KCTD15: variants seen among roughly 807,000 people sequenced by gnomAD.
The protein encoded by KCTD15 is potassium channel tetramerization domain containing 15, also known as BTB/POZ domain-containing protein KCTD15.
KCTD15 carries 11 observed loss-of-function variants against 27.2 expected under a neutral mutation model. The ratio of observed to expected loss-of-function variants is 0.41; its 90% CI spans 0.25 to 0.67. The LOEUF is 0.67. KCTD15 is among the 30% of genes least tolerant of loss of function. KCTD15 has a pLI of 0.35. For synonymous variants in KCTD15, 163 were observed against 176.0 expected, an observed-to-expected ratio of 0.93 and a Z score of 0.58; for missense variants, 350 against 409.3, an observed-to-expected ratio of 0.86 and a Z score of 1.25.
Position 33,811,735 on chromosome 19 carries a change from C to T in KCTD15, c.693+183C>T, listed in dbSNP as rs1269545492. 12 of 1,576,718 alleles carry T rather than the reference C, an allele frequency of 7.6e-6. No homozygotes were observed. The East Asian group carries it at 2.5e-4, about 32-fold the overall frequency. ...TCCCTCTCATAATTAAATGATGGCG[C>T]CTGGGGGATGGACTTAAAAAAATCG... On this transcript the variant is annotated intron_variant, in intron 6 of 6. Transcript: ENST00000683859.
At chr19:33,805,769 G>C (rs560096579) in intron 4 of KCTD15, among the ~76,000 whole-genome samples, 1 of 152,270 alleles carries the variant, frequency 6.6e-6, no homozygotes, top group Non-Finnish European at 1.5e-5. Context: ...CCCCTCTTTA[G>C]GGTTCCTAGT....
intron 5 of KCTD15, among the ~76,000 whole-genome samples, chr19:33,808,722 G>A (rs1319681306): frequency 6.6e-6 from 1 of 152,014 alleles, no homozygotes; most frequent in South Asian, 2.1e-4. Flanking sequence ...AGAGAGGGGT[G>A]GGGGTGGGTG....
chr19:33,797,291 CGCGCGCGCGCGCTTGT>C, intron 1 of KCTD15: 1 of 345,910 alleles, frequency 2.9e-6, no homozygotes, highest in South Asian at 2.0e-5. Context: ...TGTGCGCGCG[CGCGCGCGCGCGCTTGT>C]GGAGGTCCCC....
At chr19:33,797,289 C>CGTGTGT (rs1477844746) in intron 1 of KCTD15, 4 of 151,952 alleles carry the variant, frequency 2.6e-5, no homozygotes, top group Non-Finnish European at 6.5e-5. Flanking sequence ...TGTGTGCGCG[C>CGTGTGT]GCGCGCGCGC....
chr19:33,812,132 C>T, intron 6 of KCTD15: 5 of 1,256,188 alleles, frequency 4.0e-6, no homozygotes, highest in Non-Finnish European at 5.0e-6. Flanking sequence ...AAGAGGGCCC[C>T]CTGTGCACGC....
chr19:33,807,719 CA>C (rs1347166814), intron 5 of KCTD15, among the ~76,000 whole-genome samples: 1 of 151,524 alleles, frequency 6.6e-6, no homozygotes, highest in African/African-American at 2.4e-5. Flanking sequence ...GACTCCGTCT[CA>C]AAAAAGAGAA....
chr19:33,796,037 C>G (rs1409951091), upstream of KCTD15: 3 of 152,116 alleles, frequency 2.0e-5, no homozygotes, highest in African/African-American at 7.2e-5. Flanking sequence ...CTTCCCAAGT[C>G]CCGCCCCCAG....
chr19:33,809,137 C>T (rs1192890119), intron 5 of KCTD15, among the ~76,000 whole-genome samples: 4 of 151,990 alleles, frequency 2.6e-5, no homozygotes, highest in South Asian at 2.1e-4. Flanking sequence ...ATGAGCCGGG[C>T]GTGGTGGTGT....
intron 5 of KCTD15, among the ~76,000 whole-genome samples, chr19:33,810,165 A>G (rs34233131): frequency 0.024 from 3,650 of 152,200 alleles, 49 homozygotes; most frequent in African/African-American, 0.033. Flanking sequence ...GTGAGCGTGT[A>G]TAGTGTGCAT....
chr19:33,796,261 G>A (rs1975313852), upstream of KCTD15, among the ~76,000 whole-genome samples: 1 of 150,304 alleles, frequency 6.7e-6, no homozygotes, highest in Non-Finnish European at 1.5e-5. Context: ...GCGCCGCGTG[G>A]CCGGCCGGCG....
intron 6 of KCTD15, 52 bp downstream of exon 6, chr19:33,811,604 C>T (rs770155808): frequency 3.8e-6 from 6 of 1,565,442 alleles, no homozygotes; most frequent in Middle Eastern, 1.7e-4. Flanking sequence ...GTCCGCGGAG[C>T]CCTCCAGGGG....
chr19:33,806,763 C>G, intron 4 of KCTD15, 100 bp from the exon 5 acceptor site: 6 of 1,403,876 alleles, frequency 4.3e-6, no homozygotes, highest in Non-Finnish European at 5.9e-6. Context: ...TCCCTCGCCC[C>G]TCCAGCCGTG....
At chr19:33,811,907 G>T in intron 6 of KCTD15, 1 of 1,568,856 alleles carries the variant, frequency 6.4e-7, no homozygotes. Flanking sequence ...GACAGAGGCT[G>T]AGTGGAAAGG....
chr19:33,811,314 G>A lies in KCTD15; in HGVS notation c.455G>A (p.Arg152His). ...CAGCCCATGGTGCGCGAGCTGGAGC[G>A]CTGGCAGCAGGAGCAGGAGCAGCGG... is the stretch of plus-strand genomic sequence containing the variant. The part of the protein sequence containing the change: ...QLQPMVRELE[R>H]WQQEQEQRRR... The change falls in exon 6 of 7, where the codon CGC becomes CAC. Residue 152 changes from arginine (R) to histidine (H), a missense_variant. Arg to His is a conservative substitution (Grantham distance 29). Around this residue, in one of 3 missense-constraint regions of KCTD15, gnomAD observed 219 missense variants for 234.9 expected, o/e 0.93. Coordinates refer to ENST00000683859, the MANE Select transcript of KCTD15 (RefSeq NM_001129994.2). 1 of 1,550,818 alleles carries A rather than the reference G, an allele frequency of 6.4e-7. No homozygotes were observed. The highest frequency in any genetic ancestry group is 8.7e-7 in the Non-Finnish European group (1 of 1,147,356).
chr19:33,806,348 G>C (rs1020638396), intron 4 of KCTD15, among the ~76,000 whole-genome samples: 33 of 152,236 alleles, frequency 2.2e-4, no homozygotes, highest in African/African-American at 8.0e-4. Flanking sequence ...ATGTGACCCT[G>C]TGCCTGTTGC....
At chr19:33,797,545 G>T in intron 1 of KCTD15, 1 of 351,504 alleles carries the variant, frequency 2.8e-6, no homozygotes, top group South Asian at 2.0e-5. Context: ...GGCGCGCAGG[G>T]TTTGGGGCTG....
In KCTD15 at chr19:33,812,922, C is replaced by G. The variant is rs757471584; in HGVS notation, c.826C>G (p.Arg276Gly). The change falls in exon 7 of 7, where the codon CGA (arginine) becomes GGA (glycine). Residue 276 changes from arginine (R) to glycine (G), a missense_variant. Physicochemically the swap from Arg to Gly is moderately radical, Grantham distance 125. Around this residue, in one of 3 missense-constraint regions of KCTD15, gnomAD observed 219 missense variants for 234.9 expected, o/e 0.93. Coordinates refer to ENST00000683859, the MANE Select transcript of KCTD15 (RefSeq NM_001129994.2). ...GCCGCAGCCCACCCCCACTGCTGTT[C>G]GAATCAAGCAGGAACCCCTGGACTA... Reference protein sequence around the residue: ...RRPQPTPTAVRIKQEPLD With the variant: ...RRPQPTPTAVGIKQEPLD The G allele has an allele frequency of 3.9e-6, 6 of 1,549,176 alleles. No homozygotes were observed. The highest frequency in any genetic ancestry group is 5.2e-6 in the Non-Finnish European group (6 of 1,146,644).
At chr19:33,800,394 A>G (rs1390064207) in intron 2 of KCTD15, 34 bp from the exon 3 acceptor site, 44 of 1,499,520 alleles carry the variant, frequency 2.9e-5, no homozygotes, top group Non-Finnish European at 3.9e-5. Flanking sequence ...TAGGAGGAAT[A>G]AGCCTTCTCT....
chr19:33,796,070 T>G (rs1414735615), upstream of KCTD15: 1 of 151,618 alleles, frequency 6.6e-6, no homozygotes, highest in East Asian at 2.0e-4. Flanking sequence ...CGGCGGCGGC[T>G]GCTCTCCTCT....
Sources: allele counts gnomAD v4.1 joint callset (sites outside exome capture counted in the v4.1 genomes callset), GRCh38; gene constraint gnomAD v4.1.1; regional missense constraint gnomAD v4.1.1; transcripts MANE v1.5; gene names NCBI Gene and HGNC (gene_info 2026-07-23, HGNC 2026-07-21).